The following SPOCK1 variants were observed in gnomAD, a reference collection of about 807,000 sequenced individuals.
SPOCK1 encodes the protein SPARC (osteonectin), cwcv and kazal like domains proteoglycan 1.
SPOCK1 carries 23 observed loss-of-function variants against 55.3 expected under a neutral mutation model. The ratio of observed to expected loss-of-function variants is 0.42; its 90% CI spans 0.30 to 0.59. The LOEUF is 0.59. SPOCK1 is among the 20% of genes least tolerant of loss of function. SPOCK1 has a pLI of 0.22. For synonymous variants in SPOCK1, 226 were observed against 221.0 expected (o/e 1.02, Z -0.20); for missense variants, 499 against 552.5 (o/e 0.90, Z 0.97).
At chr5:137,059,358 T>A (rs10463955) in intron 6 of SPOCK1, among the ~76,000 whole-genome samples, 64,898 of 152,134 alleles carry the variant, frequency 0.43, 16,713 homozygotes, top group Non-Finnish European at 0.57. Flanking sequence ...TAGAATATAA[T>A]CCCAATTATG....
intron 5 of SPOCK1, among the ~76,000 whole-genome samples, chr5:137,073,943 T>G (rs1447033644): frequency 1.3e-5 from 2 of 152,056 alleles, no homozygotes; most frequent in Non-Finnish European, 2.9e-5. Context: ...GGACCAAGGG[T>G]CCAAGCTAAT....
intron 2 of SPOCK1, among the ~76,000 whole-genome samples, chr5:137,486,083 G>A (rs1237418137): frequency 2.0e-5 from 3 of 152,190 alleles, no homozygotes; most frequent in South Asian, 4.2e-4. Context: ...TACAGCCCTC[G>A]ACCAACAGCC....
chr5:137,389,005 C>T (rs1342774129), intron 2 of SPOCK1, among the ~76,000 whole-genome samples: 1 of 152,196 alleles, frequency 6.6e-6, no homozygotes, highest in Non-Finnish European at 1.5e-5. Flanking sequence ...TACAGCAAAA[C>T]ACCTAAGGCT....
chr5:137,152,122 C>T (rs1754328609), intron 3 of SPOCK1, among the ~76,000 whole-genome samples: 1 of 152,172 alleles, frequency 6.6e-6, no homozygotes, highest in Non-Finnish European at 1.5e-5. Flanking sequence ...CCACCTCAAG[C>T]TGAGAGAAAA....
chr5:137,090,123 C>G (rs1753027628), intron 5 of SPOCK1, among the ~76,000 whole-genome samples: 1 of 152,226 alleles, frequency 6.6e-6, no homozygotes, highest in Non-Finnish European at 1.5e-5. Context: ...GGAAGCAATA[C>G]TTTCTCTAAC....
intron 7 of SPOCK1, among the ~76,000 whole-genome samples, chr5:136,989,970 G>C (rs1157612215): frequency 6.6e-6 from 1 of 151,928 alleles, no homozygotes; most frequent in Non-Finnish European, 1.5e-5. Context: ...GAGTGCAGTG[G>C]CACCATCTCG....
chr5:137,131,916 G>A (rs1315793561), intron 4 of SPOCK1, among the ~76,000 whole-genome samples: 2 of 134,894 alleles, frequency 1.5e-5, no homozygotes, highest in Non-Finnish European at 3.1e-5. Context: ...AGCTTGCAGT[G>A]AGCCGAGATC....
chr5:137,085,846 A>G (rs1286732913), intron 5 of SPOCK1, among the ~76,000 whole-genome samples: 2 of 151,926 alleles, frequency 1.3e-5, no homozygotes, highest in African/African-American at 4.8e-5. Flanking sequence ...TTGTTTGTTT[A>G]CCTCCTCACC....
At position 136,985,183 on chromosome 5, in the gene SPOCK1, T is replaced by G; in HGVS notation, c.948A>C (p.Glu316Asp). The change falls in exon 9 of 11, where the codon GAA (glutamate) becomes GAC (aspartate). Residue 316 changes from glutamate to aspartate, a missense_variant. Glu to Asp is a conservative substitution (Grantham distance 45). Coordinates refer to ENST00000394945, the MANE Select transcript of SPOCK1 (RefSeq NM_004598.4). ...QKPGGLPCQN[E>D]MNRIQKLSKG... is the part of the protein sequence containing the mutation. ...TACTCAGCTTCTGAATTCTGTTCAT[T>G]TCATTCTGGCAAGGGAGACCTAAAA... 6.2e-7 allele frequency: 1 copy of G among 1,614,174 alleles called. No homozygotes were observed. Among genetic ancestry groups the G allele is most frequent in the African/African-American group, 1.3e-5 (1 of 75,058 alleles).
At chr5:137,100,116 G>A (rs1753234338) in intron 5 of SPOCK1, among the ~76,000 whole-genome samples, 1 of 152,184 alleles carries the variant, frequency 6.6e-6, no homozygotes, top group Non-Finnish European at 1.5e-5. Context: ...GATGGAATCA[G>A]TGCTCCAACA....
At chr5:137,119,414 G>A (rs1283217871) in intron 4 of SPOCK1, among the ~76,000 whole-genome samples, 2 of 152,182 alleles carry the variant, frequency 1.3e-5, no homozygotes, top group Non-Finnish European at 2.9e-5. Context: ...TAATTCCTCT[G>A]TTGTTAGGGT....
intron 2 of SPOCK1, among the ~76,000 whole-genome samples, chr5:137,488,342 A>G (rs1269798301): frequency 6.6e-6 from 1 of 151,990 alleles, no homozygotes; most frequent in Non-Finnish European, 1.5e-5. Flanking sequence ...GCGCCACTGC[A>G]CTCCAGCCTG....
chr5:137,450,567 C>T (rs1164208818), intron 2 of SPOCK1, among the ~76,000 whole-genome samples: 1 of 152,174 alleles, frequency 6.6e-6, no homozygotes, highest in Non-Finnish European at 1.5e-5. Context: ...CCATGCTCTG[C>T]TATTGCCATC....
rs1271974700 is a variant in SPOCK1, at chr5:137,067,834, A to G, written c.475-5T>C. 3 of 1,612,300 alleles carry G rather than the reference A, an allele frequency of 1.9e-6. No homozygotes were observed. The highest frequency in any genetic ancestry group is 1.3e-5 in the African/African-American group (1 of 74,894). On this transcript the variant is annotated splice_region_variant and splice_polypyrimidine_tract_variant and intron_variant, in intron 5 of 10. Transcript: ENST00000394945. The stretch of plus-strand genomic sequence containing the variant: ...AGCATGGAACTCCAATTTGCACTGC[A>G]AAAGAGAGACACAACAGGTCTTAAG...
chr5:137,187,259 C>G (rs62376275), intron 3 of SPOCK1, among the ~76,000 whole-genome samples: 25,346 of 152,102 alleles, frequency 0.17, 2,397 homozygotes, highest in South Asian at 0.26. Flanking sequence ...CATCTGTCAG[C>G]AGCCTGCTTC....
chr5:137,140,335 G>A, intron 4 of SPOCK1, among the ~76,000 whole-genome samples: 1 of 152,176 alleles, frequency 6.6e-6, no homozygotes, highest in Middle Eastern at 3.2e-3. Context: ...CATCTGTTCA[G>A]ATCAGGACTC....
At chr5:137,066,208 G>C (rs747976998) in intron 6 of SPOCK1, among the ~76,000 whole-genome samples, 1 of 152,150 alleles carries the variant, frequency 6.6e-6, no homozygotes, top group African/African-American at 2.4e-5. Context: ...GCGCAATCTT[G>C]ACTCACTGCA....
chr5:137,421,494 A>G (rs1752493458), intron 2 of SPOCK1, among the ~76,000 whole-genome samples: 1 of 152,208 alleles, frequency 6.6e-6, no homozygotes, highest in Admixed American at 6.5e-5. Context: ...TATTGGGTGC[A>G]TATATATTTA....
At chr5:137,418,715 G>T (rs181367955) in intron 2 of SPOCK1, among the ~76,000 whole-genome samples, 1 of 152,092 alleles carries the variant, frequency 6.6e-6, no homozygotes, top group African/African-American at 2.4e-5. Context: ...TTTGTCAGAT[G>T]AGCAGATTGC....
Sources: allele counts gnomAD v4.1 joint callset (sites outside exome capture counted in the v4.1 genomes callset), GRCh38; gene constraint gnomAD v4.1.1; transcripts MANE v1.5; gene names NCBI Gene and HGNC (gene_info 2026-07-23, HGNC 2026-07-21).